The following PHEX variants were observed in gnomAD, a reference collection of about 807,000 sequenced individuals.
PHEX encodes the protein phosphate-regulating neutral endopeptidase PHEX.
Under a neutral mutation model 68.0 loss-of-function variants are expected in PHEX, and 16 were observed. That is an observed-to-expected ratio of 0.24 (90% CI 0.16 to 0.36). The LOEUF (loss-of-function observed/expected upper bound fraction) is 0.36. PHEX is among the 10% of genes least tolerant of loss of function. The pLI, the probability that PHEX is intolerant of heterozygous loss-of-function variation, is 1.00. For synonymous variants in PHEX, 208 were observed against 205.1 expected (o/e 1.01, Z -0.12); for missense variants, 480 against 575.5 (o/e 0.83, Z 1.70).
chrX:22,114,502 T>C lies in PHEX; in HGVS notation c.1218T>C (p.Cys406=), dbSNP rs1416252114. 3 of 1,196,450 alleles carry C rather than the reference T, an allele frequency of 2.5e-6. No homozygotes were observed. The highest frequency in any genetic ancestry group is 3.4e-6 in the Non-Finnish European group (3 of 881,486). The change falls in exon 11 of 22, where the codon TGT becomes TGC. Residue 406 remains cysteine (C), a synonymous_variant. Coordinates refer to ENST00000379374, the MANE Select transcript of PHEX (RefSeq NM_000444.6). Reference sequence around the variant, plus strand: ...CTTTGCTGCCTCAATGGGACAAATGTGTAAACTTTATTGAAAGTGCCCTCC... The same window carrying C: ...CTTTGCTGCCTCAATGGGACAAATGCGTAAACTTTATTGAAAGTGCCCTCC... The part of the protein sequence containing the change: ...TTTLLPQWDK[C]VNFIESALPY...
intron 18 of PHEX, 136 bp from the exon 19 acceptor site, chrX:22,226,307 C>A (rs1935494172): frequency 6.1e-6 from 3 of 494,646 alleles, no homozygotes; most frequent in Non-Finnish European, 7.0e-6. Context: ...ATTATGCCTA[C>A]CTCTGATTTA....
At chrX:22,227,725 A>G in intron 20 of PHEX, 114 bp downstream of exon 20, 1 of 530,920 alleles carries the variant, frequency 1.9e-6, no homozygotes, top group Non-Finnish European at 3.4e-6. Flanking sequence ...ATTTTCAGCA[A>G]AAATGTTATC....
At chrX:22,034,746 G>A (rs1229062930) in intron 1 of PHEX, among the ~76,000 whole-genome samples, 1 of 111,696 alleles carries the variant, frequency 9.0e-6, no homozygotes, top group Non-Finnish European at 1.9e-5. Flanking sequence ...GCATCACTGG[G>A]GAGCTTGAGC....
At chrX:22,096,863 T>A in intron 7 of PHEX, 92 bp from the exon 8 acceptor site, 1 of 685,148 alleles carries the variant, frequency 1.5e-6, no homozygotes, top group Non-Finnish European at 2.4e-6. Flanking sequence ...AACTTTATAA[T>A]ACTATGCAGA....
chrX:22,174,111 T>G (rs748572470), intron 13 of PHEX, among the ~76,000 whole-genome samples: 2 of 111,793 alleles, frequency 1.8e-5, no homozygotes, highest in South Asian at 7.5e-4. Flanking sequence ...TCTCCTGAAT[T>G]TTATGATCGG....
chrX:22,101,558 A>C (rs899805264), intron 9 of PHEX, among the ~76,000 whole-genome samples: 2 of 111,884 alleles, frequency 1.8e-5, no homozygotes, highest in African/African-American at 6.5e-5. Flanking sequence ...GCTTTCTTCT[A>C]AATAGTGACT....
intron 13 of PHEX, chrX:22,173,024 A>AGTGTGTGTGTGT (rs201759120): frequency 3.8e-5 from 4 of 105,327 alleles, no homozygotes; most frequent in African/African-American, 1.4e-4. Flanking sequence ...GTGTGTGTGT[A>AGTGTGTGTGTGT]GTGTGTGTGT....
At chrX:22,207,235 A>T (rs1352263497) in intron 15 of PHEX, among the ~76,000 whole-genome samples, 2 of 112,276 alleles carry the variant, frequency 1.8e-5, no homozygotes, top group Admixed American at 9.4e-5. Context: ...CTGATAAATA[A>T]TTAGGTTATT....
intron 13 of PHEX, among the ~76,000 whole-genome samples, chrX:22,173,916 A>T (rs892370836): frequency 3.6e-5 from 4 of 112,130 alleles, no homozygotes; most frequent in Non-Finnish European, 5.6e-5. Context: ...TATACTACAG[A>T]TCATTTGCAT....
chrX:22,060,382 T>TG (rs776390450), intron 3 of PHEX, among the ~76,000 whole-genome samples: 1 of 110,923 alleles, frequency 9.0e-6, no homozygotes, highest in South Asian at 3.8e-4. Flanking sequence ...CTGGAGGTGC[T>TG]GGGAGCTAAG....
At chrX:22,176,805 A>G (rs1186373348) in intron 13 of PHEX, among the ~76,000 whole-genome samples, 1 of 111,624 alleles carries the variant, frequency 9.0e-6, no homozygotes, top group African/African-American at 3.3e-5. Flanking sequence ...TTCACTCTGC[A>G]TAATTTTTAA....
At position 22,084,951 on chromosome X, in the gene PHEX, A is replaced by AT. The variant is rs1304844472; in HGVS notation, c.664-5470dup. ...AAAAAAAAGCCAACTTTTTTCATTA[A>AT]TTTTTTTTGGTGTTTTTATAGTCTA... is the stretch of plus-strand genomic sequence containing the variant. On this transcript the variant is annotated intron_variant, in intron 5 of 21. Transcript: ENST00000379374. Among the ~76,000 whole-genome samples the AT allele has an allele frequency of 1.8e-5, 2 of 109,208 alleles. 1 individual carries two copies. The highest frequency in any genetic ancestry group is 7.6e-4 in the South Asian group (2 of 2,624). The allele number at this position is 109,208 out of a possible 115,157, so 94.8% of individuals were successfully genotyped here.
At chrX:22,238,843 C>A (rs1442550661) in intron 20 of PHEX, among the ~76,000 whole-genome samples, 3 of 111,996 alleles carry the variant, frequency 2.7e-5, no homozygotes, top group Non-Finnish European at 5.6e-5. Flanking sequence ...TTAAACGTCC[C>A]TGCCTGACAG....
At chrX:22,140,591 C>T (rs1232859980) in intron 12 of PHEX, among the ~76,000 whole-genome samples, 2 of 111,063 alleles carry the variant, frequency 1.8e-5, no homozygotes, top group Middle Eastern at 4.6e-3. Context: ...AAGTGATTCT[C>T]CTGTCTCAGC....
At chrX:22,239,846 A>C (rs906162587) in intron 20 of PHEX, among the ~76,000 whole-genome samples, 4 of 111,577 alleles carry the variant, frequency 3.6e-5, no homozygotes, top group Non-Finnish European at 5.6e-5. Flanking sequence ...AACGTCCCCA[A>C]CCTAACAAGG....
At chrX:22,083,305 C>T (rs775766788) in intron 5 of PHEX, among the ~76,000 whole-genome samples, 1 of 112,269 alleles carries the variant, frequency 8.9e-6, no homozygotes, top group East Asian at 2.8e-4. Context: ...TAATGTGATT[C>T]TCCAGCTTTG....
At chrX:22,247,114 G>T (rs1219484172) in intron 21 of PHEX, among the ~76,000 whole-genome samples, 3 of 112,140 alleles carry the variant, frequency 2.7e-5, no homozygotes, top group African/African-American at 9.7e-5. Context: ...TAACTCCAGT[G>T]AAGAATTATC....
chrX:22,109,881 A>G (rs1045692290), intron 9 of PHEX, among the ~76,000 whole-genome samples: 3 of 112,175 alleles, frequency 2.7e-5, no homozygotes, highest in African/African-American at 6.5e-5. Flanking sequence ...GAAGTGAAAG[A>G]CAAAACCCTA....
chrX:22,111,696 T>TTGTG, intron 10 of PHEX, 136 bp downstream of exon 10: 5 of 516,008 alleles, frequency 9.7e-6, no homozygotes, highest in Non-Finnish European at 1.7e-5. Flanking sequence ...TCTATTGTTT[T>TTGTG]TGTGTGTGTG....
Sources: allele counts gnomAD v4.1 joint callset (sites outside exome capture counted in the v4.1 genomes callset), GRCh38; gene constraint gnomAD v4.1.1; transcripts MANE v1.5; gene names NCBI Gene and HGNC (gene_info 2026-07-23, HGNC 2026-07-21).